Variants in CSMD3 observed in about 807,000 individuals in gnomAD.
CSMD3 encodes CUB and Sushi multiple domains 3.
In CSMD3, 177 loss-of-function variants were observed where a neutral mutation model predicts 435.2. That is an observed-to-expected ratio of 0.41 (90% CI 0.36 to 0.46). The LOEUF (loss-of-function observed/expected upper bound fraction) is 0.46, where lower values mean the gene tolerates loss of function less well. CSMD3 is among the 20% of genes least tolerant of loss of function. The pLI is 0.34. For synonymous variants in CSMD3, 1,656 were observed against 1,520.5 expected, an observed-to-expected ratio of 1.09 and a Z score of -2.07; for missense variants, 4,265 against 4,504.6, an observed-to-expected ratio of 0.95 and a Z score of 1.52.
At chr8:112,469,857 G>A (rs11787085) in intron 32 of CSMD3, among the ~76,000 whole-genome samples, 30,351 of 152,026 alleles carry the variant, frequency 0.2, 3,696 homozygotes, top group East Asian at 0.38. Context: ...TATAGAAGAA[G>A]GAATGATCAT....
At chr8:112,395,263 T>G (rs1830766488) in intron 35 of CSMD3, among the ~76,000 whole-genome samples, 1 of 151,848 alleles carries the variant, frequency 6.6e-6, no homozygotes, top group African/African-American at 2.4e-5. Flanking sequence ...AACCAAGAGG[T>G]TTTACTATCT....
intron 10 of CSMD3, among the ~76,000 whole-genome samples, chr8:112,866,921 A>G (rs2081001259): frequency 6.6e-6 from 1 of 152,190 alleles, no homozygotes; most frequent in African/African-American, 2.4e-5. Flanking sequence ...GTGAGTATGT[A>G]CAGCTCAAAT....
intron 3 of CSMD3, among the ~76,000 whole-genome samples, chr8:113,268,325 A>G (rs2093489467): frequency 6.6e-6 from 1 of 151,240 alleles, no homozygotes; most frequent in African/African-American, 2.4e-5. Flanking sequence ...ATAAGTTAAT[A>G]TTTTTTCAAT....
In CSMD3 at chr8:112,410,604, GTATATATATA is replaced by G. The variant is rs369175036; in HGVS notation, c.5396-1582_5396-1573del. Among the ~76,000 whole-genome samples the G allele has an allele frequency of 1.7e-3, 69 of 39,536 alleles. 1 individual carries two copies. The highest frequency in any genetic ancestry group is 8.0e-3 in the African/African-American group (68 of 8,480). The allele number at this position is 39,536 out of a possible 152,430, so 25.9% of individuals were successfully genotyped here. A position where few individuals can be genotyped will look rare whatever the true frequency, so the allele number is the denominator to read the frequency against. ...TACATACATATGTATATATATATGT[GTATATATATA>G]TGTATATATATGTGTATATATATGT... is the stretch of plus-strand genomic sequence containing the variant. On this transcript the variant is annotated intron_variant, in intron 32 of 70. Transcript: ENST00000297405.
chr8:112,261,896 C>T (rs1356973151), intron 61 of CSMD3, among the ~76,000 whole-genome samples: 4 of 150,468 alleles, frequency 2.7e-5, no homozygotes, highest in Non-Finnish European at 4.4e-5. Context: ...CTTGTATTGC[C>T]TTTTTTATTT....
intron 59 of CSMD3, 139 bp downstream of exon 59, chr8:112,281,035 T>C: frequency 1.4e-6 from 1 of 690,488 alleles, no homozygotes; most frequent in Admixed American, 2.6e-5. Context: ...GTAACTACTA[T>C]AATCCTTTAA....
chr8:113,023,964 A>C (rs1206905264), intron 5 of CSMD3, among the ~76,000 whole-genome samples: 1 of 152,066 alleles, frequency 6.6e-6, no homozygotes, highest in Non-Finnish European at 1.5e-5. Context: ...TTGAGATATA[A>C]AATATCTTTT....
intron 22 of CSMD3, among the ~76,000 whole-genome samples, chr8:112,590,912 A>G (rs533905855): frequency 1.3e-5 from 2 of 152,188 alleles, no homozygotes; most frequent in Non-Finnish European, 2.9e-5. Context: ...GATAAAGCCT[A>G]TGTTTGATAA....
intron 3 of CSMD3, among the ~76,000 whole-genome samples, chr8:113,178,450 T>A (rs775688911): frequency 1.3e-5 from 2 of 151,926 alleles, no homozygotes; most frequent in Non-Finnish European, 2.9e-5. Context: ...GGATATAGTC[T>A]AGCAAAAGGT....
At chr8:113,425,634 T>C (rs571446164) in intron 1 of CSMD3, among the ~76,000 whole-genome samples, 1 of 151,604 alleles carries the variant, frequency 6.6e-6, no homozygotes, top group South Asian at 2.1e-4. Context: ...CTAGCACTTT[T>C]CTAGAAAATG....
At chr8:112,618,164 C>T (rs1833799381) in intron 22 of CSMD3, among the ~76,000 whole-genome samples, 1 of 151,946 alleles carries the variant, frequency 6.6e-6, no homozygotes, top group African/African-American at 2.4e-5. Context: ...TCATGGTATA[C>T]AGTAAGATTT....
At chr8:113,015,129 C>A (rs1022278722) in intron 6 of CSMD3, among the ~76,000 whole-genome samples, 13 of 151,970 alleles carry the variant, frequency 8.6e-5, no homozygotes, top group Admixed American at 2.6e-4. Flanking sequence ...ATGAACTATG[C>A]CAAAGTTACT....
chr8:112,625,431 T>C (rs772888131), intron 22 of CSMD3, among the ~76,000 whole-genome samples: 3 of 152,036 alleles, frequency 2.0e-5, no homozygotes, highest in Non-Finnish European at 2.9e-5. Context: ...TTTTAGAAAA[T>C]AGTGATCAGA....
intron 7 of CSMD3, among the ~76,000 whole-genome samples, chr8:112,960,151 C>G (rs1188767200): frequency 6.6e-6 from 1 of 150,844 alleles, no homozygotes; most frequent in Non-Finnish European, 1.5e-5. Context: ...AATAGTGGCT[C>G]TATGTTAGAA....
intron 1 of CSMD3, among the ~76,000 whole-genome samples, chr8:113,415,675 T>A (rs988033657): frequency 3.9e-5 from 6 of 152,130 alleles, no homozygotes; most frequent in Non-Finnish European, 7.4e-5. Flanking sequence ...ATTTCTATTT[T>A]AAAATAATGC....
chr8:112,723,518 C>G (rs1366826806), intron 13 of CSMD3, among the ~76,000 whole-genome samples: 1 of 152,098 alleles, frequency 6.6e-6, no homozygotes, highest in Non-Finnish European at 1.5e-5. Flanking sequence ...ACAACAGTAA[C>G]TTTTCTATGT....
intron 9 of CSMD3, among the ~76,000 whole-genome samples, chr8:112,934,116 A>AT (rs2083204254): frequency 1.3e-5 from 2 of 152,136 alleles, no homozygotes; most frequent in Non-Finnish European, 2.9e-5. Flanking sequence ...ACACACTAGG[A>AT]TAAGGCATAC....
chr8:112,615,209 G>T (rs1833571844), intron 22 of CSMD3, among the ~76,000 whole-genome samples: 1 of 152,062 alleles, frequency 6.6e-6, no homozygotes, highest in African/African-American at 2.4e-5. Context: ...GCAAAATGTA[G>T]CATATCAAAT....
chr8:112,543,021 C>T (rs759666523), intron 27 of CSMD3, among the ~76,000 whole-genome samples: 6 of 151,968 alleles, frequency 3.9e-5, no homozygotes, highest in Middle Eastern at 3.2e-3. Flanking sequence ...CCTTGACAAA[C>T]GGTATTTAGA....
Sources: allele counts gnomAD v4.1 joint callset (sites outside exome capture counted in the v4.1 genomes callset), GRCh38; gene constraint gnomAD v4.1.1; transcripts MANE v1.5; gene names NCBI Gene and HGNC (gene_info 2026-07-23, HGNC 2026-07-21).